Variants in DIDO1 observed in about 807,000 individuals in gnomAD.
DIDO1 encodes death inducer-obliterator 1.
DIDO1 carries 16 observed loss-of-function variants against 99.4 expected under a neutral mutation model. The observed-to-expected ratio is 0.16, with a 90% CI of 0.11 to 0.24. The LOEUF (loss-of-function observed/expected upper bound fraction) is 0.24. Ranked by LOEUF, DIDO1 falls within the 10% of genes least tolerant of loss-of-function variation. The pLI is 1.00. For synonymous variants in DIDO1, 1,366 were observed against 1,239.1 expected (o/e 1.10, Z -2.15); for missense variants, 2,996 against 3,014.0 (o/e 0.99, Z 0.14).
At chr20:62,923,769 G>A (rs2065200715) in intron 1 of DIDO1, among the ~76,000 whole-genome samples, 1 of 152,086 alleles carries the variant, frequency 6.6e-6, no homozygotes, top group Non-Finnish European at 1.5e-5. Context: ...TTATTATAAA[G>A]GTATATTAAG....
upstream of DIDO1, chr20:62,926,615 G>A (rs996477536): frequency 3.9e-5 from 6 of 152,126 alleles, no homozygotes; most frequent in African/African-American, 7.2e-5. Context: ...GCCCCGGACT[G>A]CGCGCATGCG....
intron 15 of DIDO1, chr20:62,890,310 C>G: frequency 9.1e-6 from 9 of 986,022 alleles, no homozygotes; most frequent in Non-Finnish European, 1.1e-5. Flanking sequence ...TATGAAAGAG[C>G]TGGTCACTAA....
At chr20:62,884,204 T>A (rs369706411) in intron 15 of DIDO1, among the ~76,000 whole-genome samples, 7 of 151,406 alleles carry the variant, frequency 4.6e-5, no homozygotes, top group African/African-American at 1.7e-4. Context: ...AGTATTAGTT[T>A]AAAAAAAAAA....
At chr20:62,917,330 C>T (rs1004987644) in intron 1 of DIDO1, among the ~76,000 whole-genome samples, 1 of 152,136 alleles carries the variant, frequency 6.6e-6, no homozygotes, top group East Asian at 1.9e-4. Context: ...CTCACCTGGC[C>T]GATAATGTCG....
chr20:62,926,015 A>G (rs1489639967), intron 1 of DIDO1, among the ~76,000 whole-genome samples: 1 of 152,052 alleles, frequency 6.6e-6, no homozygotes. Context: ...GTCCCCGAGA[A>G]TGCCTAGGGA....
Position 62,909,926 on chromosome 20 carries a change from C to G in DIDO1, c.934G>C (p.Glu312Gln), listed in dbSNP as rs1568868173. The G allele has an allele frequency of 6.2e-7, 1 of 1,614,000 alleles. No individual in the cohort carries two copies. Among genetic ancestry groups the G allele is most frequent in the Non-Finnish European group, 8.5e-7 (1 of 1,180,038 alleles). Reference protein sequence around the residue: ...ARGRLLERNGEDYICPNCTIL... With the variant: ...ARGRLLERNGQDYICPNCTIL... ...GTGCAGTTTGGGCAGATATAGTCTT[C>G]CCCATTCCTTTCCAAAAGCCTCCCT... Residue 312 changes from glutamate (E) to glutamine (Q), a missense_variant, in exon 4 of 16, where the codon GAA becomes CAA. By Grantham distance (29) the Glu-to-Gln change is conservative. Around this residue, in one of 5 missense-constraint regions of DIDO1, gnomAD observed 898 missense variants for 972.7 expected, o/e 0.92. Transcript: ENST00000395343.
rs537206692 is a variant in DIDO1 at position 62,888,088 on chromosome 20, C to T, written c.3541+2872G>A. On this transcript the variant is annotated intron_variant, in intron 15 of 15. Transcript: ENST00000395343. ...CGACAAGGGCCAAGTGCTGACAGGG[C>T]GGGTGACTTAAGTTTCCCCTGAGGG... 5.0e-5 allele frequency: 49 copies of T among 985,550 alleles called. No homozygotes were observed. The East Asian group carries it at 2.9e-3, about 59-fold the overall frequency. The allele number at this position is 985,550 out of a possible 1,614,324, so 61.1% of individuals were successfully genotyped here.
At position 62,907,353 on chromosome 20, in the gene DIDO1, C is replaced by T. The variant is rs777320807; in HGVS notation, c.1168G>A (p.Glu390Lys). 1.9e-6 allele frequency: 3 copies of T among 1,613,788 alleles called. No individual in the cohort carries two copies. The highest frequency in any genetic ancestry group is 2.5e-6 in the Non-Finnish European group (3 of 1,180,020). The stretch of plus-strand genomic sequence containing the variant: ...ATACATTTTGAGGCACCAGGCGCCT[C>T]TATCACCTGCAGAACAAAACAGATG... The part of the protein sequence containing the change: ...KKLKIFQPVI[E>K]APGASKCIGP... The change falls in exon 5 of 16, where the codon GAG (glutamate) becomes AAG (lysine). Residue 390 changes from glutamate to lysine, a missense_variant. Glu to Lys is a moderately conservative substitution (Grantham distance 56). This residue lies in a region of DIDO1 where 898 missense variants were observed against 972.7 expected (regional missense o/e 0.92). Coordinates refer to ENST00000395343, the MANE Select transcript of DIDO1 (RefSeq NM_001193369.2).
Position 62,882,353 on chromosome 20 carries a change from A to C in DIDO1, c.3603T>G (p.Arg1201=). Residue 1201 remains arginine (R), a synonymous_variant, in exon 16 of 16, where the codon CGT becomes CGG. Coordinates refer to ENST00000395343, the MANE Select transcript of DIDO1 (RefSeq NM_001193369.2). ...LGLVICQKIK[R]PANSGELDKM... The stretch of plus-strand genomic sequence containing the variant: ...TGTCTAACTCTCCACTGTTTGCGGG[A>C]CGTTTGATTTTTTGGCAGATTACTA... The C allele has an allele frequency of 6.2e-7, 1 of 1,613,852 alleles. No individual in the cohort carries two copies. The highest frequency in any genetic ancestry group is 8.5e-7 in the Non-Finnish European group (1 of 1,179,990).
At chr20:62,905,458 G>A in intron 6 of DIDO1, 1 of 1,538,916 alleles carries the variant, frequency 6.5e-7, no homozygotes, top group Non-Finnish European at 8.8e-7. Context: ...TCATGTGCTG[G>A]CCGTGGACAA....
intron 6 of DIDO1, among the ~76,000 whole-genome samples, chr20:62,904,494 T>C (rs1489414639): frequency 2.0e-5 from 3 of 152,148 alleles, no homozygotes; most frequent in African/African-American, 7.2e-5. Context: ...AACTGCATAT[T>C]TTTAGCCAAG....
intron 2 of DIDO1, among the ~76,000 whole-genome samples, chr20:62,913,659 A>G (rs541374695): frequency 6.6e-6 from 1 of 152,386 alleles, no homozygotes; most frequent in South Asian, 2.1e-4. Context: ...TTCATGCAAC[A>G]CTTGGAGTTT....
Position 62,894,054 on chromosome 20 carries a change from C to G in DIDO1, c.2713G>C (p.Glu905Gln), listed in dbSNP as rs375745041. The G allele has an allele frequency of 3.7e-6, 6 of 1,614,128 alleles. No homozygotes were observed. The African/African-American group carries it at 5.3e-5, about 14-fold the overall frequency. The change falls in exon 12 of 16, where the codon GAG (glutamate) becomes CAG (glutamine). Residue 905 changes from glutamate (E) to glutamine (Q), a missense_variant. Physicochemically the swap from Glu to Gln is conservative, Grantham distance 29. Transcript: ENST00000395343. This position sits in a 1 kb window ranked among gnomAD's most constrained non-coding sequence, Gnocchi z 4.4. The stretch of plus-strand genomic sequence containing the variant: ...TCAGAGGCAACTTCAGGCACAGCCT[C>G]CGGCATCACCTCATCAGCTGAATCC... ...APDSADEVMP[E>Q]AVPEVASEPG...
At chr20:62,898,092 C>T (rs1326341045) in intron 6 of DIDO1, among the ~76,000 whole-genome samples, 1 of 152,210 alleles carries the variant, frequency 6.6e-6, no homozygotes, top group Non-Finnish European at 1.5e-5. Context: ...GAGAATGTGA[C>T]AGATGCTCCC....
In DIDO1 at chr20:62,907,983, C is replaced by CT. The variant is rs546785628; in HGVS notation, c.1162-625dup. ...TGCCCCCCAAATTGCATGAAACATA[C>CT]TTTTTTTTTTGTTTGAGACAGGGTC... On this transcript the variant is annotated intron_variant, in intron 4 of 15. Transcript: ENST00000395343. 2.6e-3 allele frequency among the ~76,000 whole-genome samples: 393 copies of CT among 149,562 alleles called. 1 individual carries two copies. Among genetic ancestry groups the CT allele is most frequent in the Non-Finnish European group, 4.9e-3 (327 of 67,106 alleles).
At position 62,889,646 on chromosome 20, in the gene DIDO1, G is replaced by A. The variant is rs75097464; in HGVS notation, c.3541+1314C>T. On this transcript the variant is annotated intron_variant, in intron 15 of 15. Transcript: ENST00000395343. ...CGGTCTTCACCTCCAGGAGGGCCGGGCTTTTCCTCTCCCTGGTCACGTGGA... is the reference window on the plus strand; with the variant it reads ...CGGTCTTCACCTCCAGGAGGGCCGGACTTTTCCTCTCCCTGGTCACGTGGA... 2,422 of 985,340 alleles carry A rather than the reference G, an allele frequency of 2.5e-3. 39 individuals are homozygous for A. The African/African-American group carries it at 0.039, about 16-fold the overall frequency. The allele number at this position is 985,340 out of a possible 1,614,324, so 61.0% of individuals were successfully genotyped here.
chr20:62,892,965 G>A lies in DIDO1; in HGVS notation c.3102-3C>T. ...GAGGGGAACGTGATTCTGAAGTGCT[G>A]TAAAACAAAACCATAAAAAAAAAGT... is the stretch of plus-strand genomic sequence containing the variant. On this transcript the variant is annotated splice_polypyrimidine_tract_variant and splice_region_variant and intron_variant, in intron 12 of 15. Transcript: ENST00000395343. The A allele has an allele frequency of 6.2e-7, 1 of 1,603,782 alleles. No individual in the cohort carries two copies. The highest frequency in any genetic ancestry group is 8.5e-7 in the Non-Finnish European group (1 of 1,173,616).
Position 62,925,188 on chromosome 20 carries a change from G to A in DIDO1, c.-200+1251C>T, listed in dbSNP as rs1250459364. 3.9e-5 allele frequency among the ~76,000 whole-genome samples: 6 copies of A among 152,348 alleles called. 1 individual carries two copies. Among genetic ancestry groups the A allele is most frequent in the East Asian group, 1.9e-4 (1 of 5,190 alleles). On this transcript the variant is annotated intron_variant, in intron 1 of 15. Coordinates refer to ENST00000395343, the MANE Select transcript of DIDO1 (RefSeq NM_001193369.2). ...GTTGGCAACACCTGATTTAAAGGAA[G>A]GAGCTGGAATAATCTCTCAAGTTCC...
intron 1 of DIDO1, among the ~76,000 whole-genome samples, chr20:62,932,686 C>T (rs1242378070): frequency 6.6e-6 from 1 of 152,172 alleles, no homozygotes; most frequent in Admixed American, 6.5e-5. Flanking sequence ...TTTGTCTCAA[C>T]CTCAGCAGGA....
Sources: allele counts gnomAD v4.1 joint callset (sites outside exome capture counted in the v4.1 genomes callset), GRCh38; gene constraint gnomAD v4.1.1; regional missense constraint gnomAD v4.1.1; non-coding constraint Gnocchi (gnomAD v3.1); transcripts MANE v1.5; gene names NCBI Gene and HGNC (gene_info 2026-07-23, HGNC 2026-07-21).